The following TMTC1 variants were observed in gnomAD, a reference collection of about 807,000 sequenced individuals.
The protein encoded by TMTC1 is protein O-mannosyl-transferase TMTC1.
In TMTC1, 73 loss-of-function variants were observed where a neutral mutation model predicts 104.8. That is an observed-to-expected ratio of 0.70 (90% CI 0.58 to 0.85). The LOEUF is 0.85. TMTC1 is among the 40% of genes least tolerant of loss of function. TMTC1 has a pLI of 0.00. For missense variants in TMTC1, 1,035 were observed against 1,096.1 expected (o/e 0.94, Z 0.79); for synonymous variants, 434 against 428.7 (o/e 1.01, Z -0.15).
In TMTC1 at chr12:29,608,253, T is replaced by C. The variant is rs553177472; in HGVS notation, c.1129-3954A>G. On this transcript the variant is annotated intron_variant, in intron 6 of 17. Transcript: ENST00000539277. ...TAGGAGGGAACCCGATTCTGTATCC[T>C]GTGGATCACTGATGTGACAAAATTG... Among the ~76,000 whole-genome samples the C allele has an allele frequency of 5.3e-5, 8 of 152,366 alleles. No individual in the cohort carries two copies. In the South Asian group the frequency reaches 1.4e-3, roughly 28 times the overall value.
At chr12:29,635,171 T>C (rs970461017) in intron 5 of TMTC1, among the ~76,000 whole-genome samples, 4 of 151,280 alleles carry the variant, frequency 2.6e-5, no homozygotes, top group Non-Finnish European at 5.9e-5. Context: ...GGCTTTGTTA[T>C]TTAACAACAA....
chr12:29,658,766 G>C (rs1939877732), intron 5 of TMTC1: 1 of 186,004 alleles, frequency 5.4e-6, no homozygotes, highest in Admixed American at 4.8e-5. Flanking sequence ...ACATCTATGG[G>C]GTGCCTCTCC....
At chr12:29,775,697 T>C (rs1943691725) in intron 1 of TMTC1, among the ~76,000 whole-genome samples, 1 of 152,104 alleles carries the variant, frequency 6.6e-6, no homozygotes, top group South Asian at 2.1e-4. Flanking sequence ...GTAGGCACAA[T>C]TGATTGAAAT....
chr12:29,516,638 G>T, intron 14 of TMTC1, 152 bp from the exon 15 acceptor site: 1 of 976,348 alleles, frequency 1.0e-6, no homozygotes, highest in Non-Finnish European at 1.4e-6. Context: ...CCAGTTTTCA[G>T]GTTTTGACTT....
chr12:29,659,086 C>A (rs1219181469), intron 5 of TMTC1, among the ~76,000 whole-genome samples: 1 of 152,188 alleles, frequency 6.6e-6, no homozygotes, highest in African/African-American at 2.4e-5. Context: ...TTGTTCATTT[C>A]TATTTGTCAC....
At chr12:29,747,142 A>C (rs777750485) in intron 5 of TMTC1, among the ~76,000 whole-genome samples, 3 of 152,244 alleles carry the variant, frequency 2.0e-5, no homozygotes, top group Non-Finnish European at 2.9e-5. Flanking sequence ...ATACATATAT[A>C]GGTGTGTATA....
chr12:29,753,630 T>G (rs775453639), intron 4 of TMTC1, among the ~76,000 whole-genome samples: 2 of 152,240 alleles, frequency 1.3e-5, no homozygotes, highest in Non-Finnish European at 2.9e-5. Context: ...CAGGTCTCCG[T>G]GTTACATCCT....
intron 5 of TMTC1, among the ~76,000 whole-genome samples, chr12:29,696,173 A>G (rs12317581): frequency 0.17 from 25,981 of 152,086 alleles, 2,311 homozygotes; most frequent in Middle Eastern, 0.23. Flanking sequence ...TGTCAGAAGC[A>G]CTATTATTTC....
In TMTC1 at chr12:29,758,758, C is replaced by T; in HGVS notation, c.500G>A (p.Arg167Lys). 1 of 1,610,046 alleles carries T rather than the reference C, an allele frequency of 6.2e-7. No homozygotes were observed. Among genetic ancestry groups the T allele is most frequent in the Non-Finnish European group, 8.5e-7 (1 of 1,178,648 alleles). ...HTEAVAGIVG[R>K]ADVLACLLFL... ...CAGCAGACACGCTAACACGTCCGCT[C>T]TGCCAACGATCCCAGCCACCTTGGA... Residue 167 changes from arginine to lysine, a missense_variant, in exon 3 of 18, where the codon AGA (arginine) becomes AAA (lysine). By Grantham distance (26) the Arg-to-Lys change is conservative. Coordinates refer to ENST00000539277, the MANE Select transcript of TMTC1 (RefSeq NM_001193451.2).
chr12:29,639,380 A>G (rs1938722964), intron 5 of TMTC1, among the ~76,000 whole-genome samples: 1 of 152,210 alleles, frequency 6.6e-6, no homozygotes, highest in African/African-American at 2.4e-5. Flanking sequence ...TTCAAATTGT[A>G]AATAAACATG....
chr12:29,783,828 G>T lies in TMTC1; in HGVS notation c.-77C>A. ...TCCCCTACCGGGGCCCCGGCGGCGC[G>T]CGGCGTCTGCCCGGAGGGGGGCTCG... On this transcript the variant is annotated 5_prime_UTR_variant, in exon 1 of 18. Coordinates refer to ENST00000539277, the MANE Select transcript of TMTC1 (RefSeq NM_001193451.2). The surrounding 1 kb of genome is among the most constrained non-coding windows in gnomAD (Gnocchi z 4.7). The T allele has an allele frequency of 1.8e-6, 2 of 1,089,604 alleles. No homozygotes were observed. Among genetic ancestry groups the T allele is most frequent in the Non-Finnish European group, 2.2e-6 (2 of 897,706 alleles). 67.5% of individuals were successfully genotyped at this position (1,089,604 alleles called of 1,614,324 possible). A position where few individuals can be genotyped will look rare whatever the true frequency, so the allele number is the denominator to read the frequency against.
At chr12:29,628,188 ATCTTATC>A (rs1938101983) in intron 6 of TMTC1, among the ~76,000 whole-genome samples, 2 of 152,164 alleles carry the variant, frequency 1.3e-5, no homozygotes, top group Non-Finnish European at 2.9e-5. Flanking sequence ...TCTCCTACTT[ATCTTATC>A]TCAACTTAAT....
At chr12:29,782,086 T>A (rs894015600) in intron 1 of TMTC1, among the ~76,000 whole-genome samples, 2 of 152,174 alleles carry the variant, frequency 1.3e-5, no homozygotes, top group African/African-American at 4.8e-5. Flanking sequence ...AAAAAGCAGG[T>A]CAATCTAGAA....
At chr12:29,606,222 C>G (rs1946695815) in intron 6 of TMTC1, among the ~76,000 whole-genome samples, 1 of 152,104 alleles carries the variant, frequency 6.6e-6, no homozygotes, top group Non-Finnish European at 1.5e-5. Context: ...GGGCATACAC[C>G]CAGTAGTGGG....
chr12:29,718,932 CA>C (rs35351612), intron 5 of TMTC1, among the ~76,000 whole-genome samples: 73 of 88,254 alleles, frequency 8.3e-4, no homozygotes, highest in East Asian at 2.1e-3. Flanking sequence ...GACTCCATCT[CA>C]AAAAAAAAAA....
In TMTC1 at chr12:29,505,072, CAA is replaced by C. The variant is rs1345696812; in HGVS notation, c.*1772_*1773del. On this transcript the variant is annotated 3_prime_UTR_variant, in exon 18 of 18. Transcript: ENST00000539277. ...TACATTCTTGGATTACTGTTGCACA[CAA>C]AGAGATGCATGCTAATTCAAATTCT... 6.6e-6 allele frequency: 1 copy of C among 152,108 alleles called. No homozygotes were observed. The highest frequency in any genetic ancestry group is 1.5e-5 in the Non-Finnish European group (1 of 68,022). The allele number at this position is 152,108 out of a possible 1,614,324, so 9.4% of individuals were successfully genotyped here.
At chr12:29,561,744 T>C (rs773536704) in intron 9 of TMTC1, among the ~76,000 whole-genome samples, 8 of 152,236 alleles carry the variant, frequency 5.3e-5, no homozygotes, top group Non-Finnish European at 1.0e-4. Context: ...ATATGGCATT[T>C]CATTGTTCAA....
chr12:29,577,243 T>G (rs2136313993), intron 8 of TMTC1, among the ~76,000 whole-genome samples: 1 of 152,310 alleles, frequency 6.6e-6, no homozygotes, highest in East Asian at 1.9e-4. Context: ...TATCTTGTGC[T>G]TTACCATTTA....
At position 29,501,901 on chromosome 12, in the gene TMTC1, T is replaced by G. The variant is rs551091056; in HGVS notation, c.*4945A>C. On this transcript the variant is annotated 3_prime_UTR_variant, in exon 18 of 18. Transcript: ENST00000539277. ...GATTGATATTAAACCATACTTTTGA[T>G]TGCAGTTATTTTCTGTTCTCTTTAA... The G allele has an allele frequency of 6.6e-6, 1 of 152,218 alleles. No homozygotes were observed. The highest frequency in any genetic ancestry group is 1.5e-5 in the Non-Finnish European group (1 of 68,050). The allele number at this position is 152,218 out of a possible 1,614,324, so 9.4% of individuals were successfully genotyped here.
Sources: allele counts gnomAD v4.1 joint callset (sites outside exome capture counted in the v4.1 genomes callset), GRCh38; gene constraint gnomAD v4.1.1; non-coding constraint Gnocchi (gnomAD v3.1); transcripts MANE v1.5; gene names NCBI Gene and HGNC (gene_info 2026-07-23, HGNC 2026-07-21).